TSHZ2: variants seen among roughly 807,000 people sequenced by gnomAD.
TSHZ2 encodes the protein teashirt zinc finger homeobox 2, also known as teashirt homolog 2.
In TSHZ2, 21 loss-of-function variants were observed where a neutral mutation model predicts 74.4. That is an observed-to-expected ratio of 0.28 (90% CI 0.20 to 0.41). The LOEUF is 0.41. TSHZ2 is among the 10% of genes least tolerant of loss of function. The probability of loss-of-function intolerance (pLI) is 1.00; values close to 1 mark genes in which losing one functional copy is unlikely to be tolerated. For missense variants in TSHZ2, 1,244 were observed against 1,293.5 expected (o/e 0.96, Z 0.59); for synonymous variants, 540 against 515.3 (o/e 1.05, Z -0.65).
At chr20:53,425,797 TTTTG>T (rs1983632944) in intron 2 of TSHZ2, among the ~76,000 whole-genome samples, 1 of 145,178 alleles carries the variant, frequency 6.9e-6, no homozygotes, top group Non-Finnish European at 1.5e-5. Flanking sequence ...TAAAACGTTC[TTTTG>T]TTTTTTTTTT....
chr20:53,310,745 A>G (rs998461781), intron 2 of TSHZ2, among the ~76,000 whole-genome samples: 4 of 152,124 alleles, frequency 2.6e-5, no homozygotes, highest in Non-Finnish European at 1.5e-5. Context: ...CAACATGACC[A>G]TTTACCTCAT....
At chr20:53,092,240 T>C (rs6097228) in intron 1 of TSHZ2, among the ~76,000 whole-genome samples, 25,940 of 151,948 alleles carry the variant, frequency 0.17, 2,814 homozygotes, top group African/African-American at 0.32. Flanking sequence ...CTTAGTAGAA[T>C]TGGAAACCAA....
At chr20:53,143,427 C>G (rs1987457508) in intron 1 of TSHZ2, among the ~76,000 whole-genome samples, 1 of 152,208 alleles carries the variant, frequency 6.6e-6, no homozygotes, top group Non-Finnish European at 1.5e-5. Flanking sequence ...GGCGCGGTGG[C>G]TCACGCCTTT....
At chr20:53,288,353 G>C (rs6097337) in intron 2 of TSHZ2, among the ~76,000 whole-genome samples, 5 of 148,516 alleles carry the variant, frequency 3.4e-5, no homozygotes, top group African/African-American at 1.2e-4. Flanking sequence ...GCAGTGAGCC[G>C]AGATCACACC....
chr20:53,469,474 G>A (rs1462844407), intron 2 of TSHZ2, among the ~76,000 whole-genome samples: 1 of 151,930 alleles, frequency 6.6e-6, no homozygotes, highest in Non-Finnish European at 1.5e-5. Flanking sequence ...AACCCAGGAG[G>A]TGGAGGTTGC....
At chr20:53,462,920 T>C (rs937977653) in intron 2 of TSHZ2, among the ~76,000 whole-genome samples, 8 of 152,156 alleles carry the variant, frequency 5.3e-5, no homozygotes, top group Non-Finnish European at 7.3e-5. Flanking sequence ...CATGAGCCAG[T>C]TGACCCTTCT....
intron 2 of TSHZ2, among the ~76,000 whole-genome samples, chr20:53,380,765 C>G (rs1032548002): frequency 2.0e-5 from 3 of 152,174 alleles, no homozygotes; most frequent in Admixed American, 2.0e-4. Context: ...GAACACTCTT[C>G]TGCATATTTA....
chr20:53,004,244 A>T (rs75567874), intron 1 of TSHZ2, among the ~76,000 whole-genome samples: 751 of 152,302 alleles, frequency 4.9e-3, no homozygotes, highest in Non-Finnish European at 7.4e-3. Context: ...TACAAATTTC[A>T]TCCAGAAATA....
intron 2 of TSHZ2, among the ~76,000 whole-genome samples, chr20:53,314,020 A>C (rs1474280925): frequency 6.6e-6 from 1 of 152,086 alleles, no homozygotes; most frequent in Admixed American, 6.6e-5. Flanking sequence ...TTGAAATACG[A>C]TGCTGGCCAG....
chr20:53,106,401 TTTTTTTTTTTTTTTTTTTTTTGAGAC>T (rs1160673713), intron 1 of TSHZ2, among the ~76,000 whole-genome samples: 1 of 113,086 alleles, frequency 8.8e-6, no homozygotes, highest in Non-Finnish European at 1.8e-5. Context: ...CTTTTTTTTT[TTTTTTTTTTTTTTTTTTTTTTGAGAC>T]GGAGTCTTGC....
intron 1 of TSHZ2, among the ~76,000 whole-genome samples, chr20:53,163,738 T>G (rs1354191077): frequency 6.6e-6 from 1 of 152,020 alleles, no homozygotes; most frequent in Non-Finnish European, 1.5e-5. Flanking sequence ...AACTTAGGAG[T>G]GGACTCTTCA....
At chr20:53,472,775 A>G (rs1985856009) in intron 2 of TSHZ2, among the ~76,000 whole-genome samples, 1 of 150,714 alleles carries the variant, frequency 6.6e-6, no homozygotes, top group African/African-American at 2.4e-5. Flanking sequence ...AGTGGCAGAC[A>G]GTGGGCGCAG....
At chr20:53,377,708 A>G (rs1043105890) in intron 2 of TSHZ2, among the ~76,000 whole-genome samples, 8 of 152,130 alleles carry the variant, frequency 5.3e-5, no homozygotes, top group Admixed American at 5.2e-4. Context: ...AAAAAAATAC[A>G]AAAAATTAGC....
chr20:53,227,534 T>G (rs1211964536), intron 1 of TSHZ2, among the ~76,000 whole-genome samples: 3 of 147,482 alleles, frequency 2.0e-5, no homozygotes, highest in East Asian at 4.0e-4. Flanking sequence ...CCTATCAGAG[T>G]GACATGGATA....
intron 1 of TSHZ2, among the ~76,000 whole-genome samples, chr20:53,246,684 T>A (rs890859118): frequency 6.6e-6 from 1 of 152,204 alleles, no homozygotes; most frequent in African/African-American, 2.4e-5. Flanking sequence ...TATTTCTTGA[T>A]TAAATGAATA....
At chr20:53,434,616 G>A (rs1983972809) in intron 2 of TSHZ2, among the ~76,000 whole-genome samples, 4 of 152,206 alleles carry the variant, frequency 2.6e-5, no homozygotes. Context: ...TACGTGTAGT[G>A]GTTATCAGGG....
intron 1 of TSHZ2, among the ~76,000 whole-genome samples, chr20:53,128,020 G>C (rs539211077): frequency 8.3e-5 from 9 of 108,548 alleles, no homozygotes; most frequent in African/African-American, 3.3e-4. Context: ...CCATGTTGTG[G>C]CTGTTTTTGG....
intron 1 of TSHZ2, among the ~76,000 whole-genome samples, chr20:53,058,010 G>C (rs1320110720): frequency 6.6e-6 from 1 of 152,174 alleles, no homozygotes; most frequent in Non-Finnish European, 1.5e-5. Context: ...GAGGTAGGGG[G>C]ATGATTTCAG....
At chr20:53,071,868 C>G (rs1207394234) in intron 1 of TSHZ2, among the ~76,000 whole-genome samples, 1 of 152,182 alleles carries the variant, frequency 6.6e-6, no homozygotes, top group Non-Finnish European at 1.5e-5. Context: ...ACACTGAGGG[C>G]TTTGGATTGT....
Sources: gnomAD v4.1 joint callset for allele counts (sites outside exome capture counted in the v4.1 genomes callset) on GRCh38, gnomAD v4.1.1 for gene constraint, MANE v1.5 for transcripts, NCBI Gene and HGNC (gene_info 2026-07-23, HGNC 2026-07-21) for gene names.